Variants in FARS2 observed in about 807,000 individuals in gnomAD.
The protein encoded by FARS2 is phenylalanyl-tRNA synthetase 2, mitochondrial, also known as phenylalanine--tRNA ligase, mitochondrial.
Under a neutral mutation model 46.4 loss-of-function variants are expected in FARS2, and 40 were observed. That is an observed-to-expected ratio of 0.86 (90% CI 0.67 to 1.12). The LOEUF is 1.12. FARS2 is among the 50% of genes most tolerant of loss of function. The pLI, the probability that FARS2 is intolerant of heterozygous loss-of-function variation, is 0.00. For synonymous variants in FARS2, 234 were observed against 214.9 expected (o/e 1.09, Z -0.78); for missense variants, 513 against 567.9 (o/e 0.90, Z 0.98).
Position 5,432,326 on chromosome 6 carries a change from AAAT to A in FARS2, c.904+1156_904+1158del, listed in dbSNP as rs1261833531. ...CAACACTCAGTCTTAAAAAAAAAAA[AAAT>A]ATATATATATATATATATATATTAT... On this transcript the variant is annotated intron_variant, in intron 4 of 6. Coordinates refer to ENST00000274680, the MANE Select transcript of FARS2 (RefSeq NM_006567.5). Among the ~76,000 whole-genome samples, 251 of 38,074 alleles carry A rather than the reference AAAT, an allele frequency of 6.6e-3. 2 individuals are homozygous for A. The highest frequency in any genetic ancestry group is 0.015 in the African/African-American group (236 of 15,382). The allele number at this position is 38,074 out of a possible 152,430, so 25.0% of individuals were successfully genotyped here.
chr6:5,650,251 C>T (rs545162864), intron 6 of FARS2, among the ~76,000 whole-genome samples: 4 of 114,666 alleles, frequency 3.5e-5, no homozygotes, highest in African/African-American at 6.7e-5. Flanking sequence ...TCAAAGTGGG[C>T]CACATTTCTT....
chr6:5,676,595 T>C (rs1194067339), intron 6 of FARS2, among the ~76,000 whole-genome samples: 1 of 152,224 alleles, frequency 6.6e-6, no homozygotes, highest in Non-Finnish European at 1.5e-5. Flanking sequence ...TAATCATATA[T>C]TCAATGATTG....
chr6:5,597,157 A>G (rs7765256), intron 5 of FARS2, among the ~76,000 whole-genome samples: 126,192 of 152,156 alleles, frequency 0.83, 52,506 homozygotes, highest in African/African-American at 0.89. Context: ...TCTTCTCCCT[A>G]CTAAGTTTGG....
chr6:5,328,262 C>A (rs753209568), intron 1 of FARS2, among the ~76,000 whole-genome samples: 8 of 152,034 alleles, frequency 5.3e-5, no homozygotes, highest in Non-Finnish European at 8.8e-5. Flanking sequence ...CCTTGTTTAC[C>A]CTTACCCCCA....
Position 5,722,631 on chromosome 6 carries a change from C to G in FARS2, c.1218-48660C>G, listed in dbSNP as rs111698634. 1.8e-3 allele frequency among the ~76,000 whole-genome samples: 275 copies of G among 152,200 alleles called. 3 individuals are homozygous for G. The Middle Eastern group carries it at 0.031, about 17-fold the overall frequency. On this transcript the variant is annotated intron_variant, in intron 6 of 6. Transcript: ENST00000274680. The stretch of plus-strand genomic sequence containing the variant: ...GCTGAGCATGGTGAGGAGGGGGAAG[C>G]GCAGGGAGAGAAAAGGTCAGTGAGG...
intron 6 of FARS2, among the ~76,000 whole-genome samples, chr6:5,742,166 T>C (rs1452242140): frequency 6.6e-6 from 1 of 152,226 alleles, no homozygotes; most frequent in Non-Finnish European, 1.5e-5. Flanking sequence ...TCCTACATTC[T>C]TTCCTATTAT....
At chr6:5,409,398 C>T (rs1208194902) in intron 3 of FARS2, among the ~76,000 whole-genome samples, 1 of 151,686 alleles carries the variant, frequency 6.6e-6, no homozygotes, top group African/African-American at 2.4e-5. Context: ...TTGCAGTGAG[C>T]CAAGATTGCA....
chr6:5,748,961 A>G (rs1761792077), intron 6 of FARS2, among the ~76,000 whole-genome samples: 1 of 152,196 alleles, frequency 6.6e-6, no homozygotes. Flanking sequence ...GCGAAGATCA[A>G]ATGTTCATTA....
chr6:5,313,923 A>T (rs894166598), intron 1 of FARS2, among the ~76,000 whole-genome samples: 2 of 152,170 alleles, frequency 1.3e-5, no homozygotes, highest in Non-Finnish European at 2.9e-5. Context: ...TGCCCCAGAC[A>T]TTGTGACCTA....
chr6:5,416,836 G>A (rs1366896093), intron 3 of FARS2, among the ~76,000 whole-genome samples: 2 of 152,142 alleles, frequency 1.3e-5, no homozygotes, highest in African/African-American at 2.4e-5. Flanking sequence ...TTCACTTTGA[G>A]TGCTGTTACC....
intron 1 of FARS2, among the ~76,000 whole-genome samples, chr6:5,276,233 A>G (rs1766324644): frequency 6.6e-6 from 1 of 152,158 alleles, no homozygotes; most frequent in South Asian, 2.1e-4. Flanking sequence ...TTTATTGTGC[A>G]TTTTTGAAAT....
intron 3 of FARS2, among the ~76,000 whole-genome samples, chr6:5,415,970 G>A (rs1424155482): frequency 6.6e-6 from 1 of 152,208 alleles, no homozygotes; most frequent in African/African-American, 2.4e-5. Flanking sequence ...GCCTCCCAAA[G>A]TGCTGGGATT....
At chr6:5,450,021 A>G (rs1201985713) in intron 4 of FARS2, among the ~76,000 whole-genome samples, 3 of 152,186 alleles carry the variant, frequency 2.0e-5, no homozygotes, top group Non-Finnish European at 2.9e-5. Context: ...CTCTGTATAC[A>G]TGGGTTTTGC....
At chr6:5,712,608 T>C (rs557423030) in intron 6 of FARS2, among the ~76,000 whole-genome samples, 1 of 152,322 alleles carries the variant, frequency 6.6e-6, no homozygotes, top group East Asian at 1.9e-4. Context: ...GCGAATTCAC[T>C]CCCCTACTTA....
At chr6:5,269,737 T>C (rs922195214) in intron 1 of FARS2, among the ~76,000 whole-genome samples, 1 of 152,206 alleles carries the variant, frequency 6.6e-6, no homozygotes, top group Non-Finnish European at 1.5e-5. Context: ...TCTTAAGATG[T>C]GCAATACTGA....
intron 1 of FARS2, among the ~76,000 whole-genome samples, chr6:5,318,407 A>AAAC (rs1769715277): frequency 1.4e-5 from 2 of 147,758 alleles, no homozygotes; most frequent in Admixed American, 6.8e-5. Context: ...AAAAAAAAAA[A>AAAC]CCCTACAAGA....
intron 6 of FARS2, among the ~76,000 whole-genome samples, chr6:5,621,051 G>A (rs1775747633): frequency 6.6e-6 from 1 of 152,224 alleles, no homozygotes. Context: ...GAGTTCTTGT[G>A]CTGTGGAAAA....
chr6:5,298,416 G>A (rs954711556), intron 1 of FARS2, among the ~76,000 whole-genome samples: 2 of 152,172 alleles, frequency 1.3e-5, no homozygotes, highest in African/African-American at 2.4e-5. Context: ...ATCTTAGCTG[G>A]TGGTTTTAGA....
At chr6:5,258,326 T>G (rs1210362779), upstream of FARS2, among the ~76,000 whole-genome samples, 1 of 152,272 alleles carries the variant, frequency 6.6e-6, no homozygotes, top group Non-Finnish European at 1.5e-5. Context: ...CTGCTTTTGA[T>G]TGCTTATTCA....
Sources: allele counts gnomAD v4.1 joint callset (sites outside exome capture counted in the v4.1 genomes callset), GRCh38; gene constraint gnomAD v4.1.1; transcripts MANE v1.5; gene names NCBI Gene and HGNC (gene_info 2026-07-23, HGNC 2026-07-21).